Variants in DOCK10 observed in about 807,000 individuals in gnomAD.
DOCK10 encodes dedicator of cytokinesis 10.
Under a neutral mutation model 280.1 loss-of-function variants are expected in DOCK10, and 145 were observed. That is an observed-to-expected ratio of 0.52 (90% CI 0.45 to 0.59). DOCK10 has a LOEUF of 0.59. DOCK10 is among the 20% of genes least tolerant of loss of function. The probability of loss-of-function intolerance (pLI) is 0.00; values close to 1 mark genes in which losing one functional copy is unlikely to be tolerated. For missense variants in DOCK10, 2,368 were observed against 2,651.7 expected, an observed-to-expected ratio of 0.89 and a Z score of 2.35; for synonymous variants, 915 against 942.2, an observed-to-expected ratio of 0.97 and a Z score of 0.53.
intron 23 of DOCK10, 183 bp from the exon 24 acceptor site, chr2:224,840,255 A>C: frequency 4.1e-6 from 2 of 488,048 alleles, no homozygotes; most frequent in Non-Finnish European, 3.7e-6. Flanking sequence ...AAACAGACAA[A>C]TGGCATATCA....
intron 1 of DOCK10, among the ~76,000 whole-genome samples, chr2:224,964,094 C>T (rs552934015): frequency 6.8e-6 from 1 of 146,680 alleles, no homozygotes; most frequent in East Asian, 2.0e-4. Flanking sequence ...AAATAAAATA[C>T]AGGATGCGGA....
At chr2:224,775,191 A>C in intron 51 of DOCK10, 76 bp from the exon 52 acceptor site, 1 of 1,360,338 alleles carries the variant, frequency 7.4e-7, no homozygotes, top group East Asian at 2.3e-5. Flanking sequence ...CCATTCCCTC[A>C]GCTTGCATCC....
At chr2:224,955,002 T>A (rs534280223) in intron 1 of DOCK10, among the ~76,000 whole-genome samples, 51 of 152,328 alleles carry the variant, frequency 3.3e-4, no homozygotes, top group Non-Finnish European at 4.3e-4. Flanking sequence ...TGTTTTCCAA[T>A]TGCATTTTCC....
At chr2:224,919,656 A>G (rs1283059646) in intron 2 of DOCK10, among the ~76,000 whole-genome samples, 3 of 139,558 alleles carry the variant, frequency 2.1e-5, no homozygotes, top group Non-Finnish European at 4.9e-5. Flanking sequence ...GTGTGTGTGT[A>G]GAGTGTGCGT....
chr2:225,027,687 C>T (rs935795830), intron 1 of DOCK10, among the ~76,000 whole-genome samples: 74 of 152,110 alleles, frequency 4.9e-4, no homozygotes, highest in Admixed American at 7.2e-4. Flanking sequence ...ATTAAAAGCT[C>T]CCCAAGGTCT....
At chr2:224,818,586 G>T (rs1256795708) in intron 29 of DOCK10, among the ~76,000 whole-genome samples, 1 of 152,028 alleles carries the variant, frequency 6.6e-6, no homozygotes, top group African/African-American at 2.4e-5. Context: ...TTTTAGTAGA[G>T]ACAGGGTTTC....
intron 1 of DOCK10, among the ~76,000 whole-genome samples, chr2:225,018,185 T>C (rs1194237476): frequency 6.6e-6 from 1 of 152,158 alleles, no homozygotes; most frequent in African/African-American, 2.4e-5. Flanking sequence ...AAATAAGCTT[T>C]ATTATCAACC....
intron 44 of DOCK10, 127 bp downstream of exon 44, chr2:224,796,189 A>G: frequency 3.1e-6 from 2 of 651,966 alleles, no homozygotes; most frequent in African/African-American, 1.8e-5. Flanking sequence ...TTGGCTTCTC[A>G]AAGTGTTGGG....
At chr2:224,827,312 C>T (rs539362636) in intron 27 of DOCK10, among the ~76,000 whole-genome samples, 2 of 151,692 alleles carry the variant, frequency 1.3e-5, no homozygotes, top group South Asian at 4.2e-4. Context: ...GGTCTTTTCC[C>T]ACTGTGATGA....
intron 22 of DOCK10, among the ~76,000 whole-genome samples, chr2:224,843,428 G>A (rs1233450794): frequency 6.6e-6 from 1 of 152,174 alleles, no homozygotes; most frequent in African/African-American, 2.4e-5. Context: ...AAAATATAGG[G>A]TTTGGTGGAG....
chr2:224,990,459 C>T (rs1706094673), intron 1 of DOCK10, among the ~76,000 whole-genome samples: 1 of 152,208 alleles, frequency 6.6e-6, no homozygotes, highest in Non-Finnish European at 1.5e-5. Flanking sequence ...ATCTAATATT[C>T]ACGTAAAGTG....
At chr2:224,819,023 C>T (rs940393564) in intron 29 of DOCK10, among the ~76,000 whole-genome samples, 3 of 152,144 alleles carry the variant, frequency 2.0e-5, no homozygotes, top group Non-Finnish European at 4.4e-5. Flanking sequence ...GTCTAGGAAC[C>T]ACTGCTCTAG....
chr2:224,896,224 T>C (rs867146363), intron 4 of DOCK10, 71 bp downstream of exon 4: 20 of 904,270 alleles, frequency 2.2e-5, no homozygotes, highest in Middle Eastern at 2.2e-4. Context: ...TCATGAACAA[T>C]GGCAGGACTA....
intron 4 of DOCK10, among the ~76,000 whole-genome samples, chr2:224,888,575 G>T (rs1448235046): frequency 6.6e-6 from 1 of 151,826 alleles, no homozygotes; most frequent in Non-Finnish European, 1.5e-5. Flanking sequence ...GTGTGTGTAT[G>T]TATATACGTG....
At chr2:224,827,788 A>C (rs1694964384) in intron 27 of DOCK10, among the ~76,000 whole-genome samples, 1 of 152,218 alleles carries the variant, frequency 6.6e-6, no homozygotes, top group Non-Finnish European at 1.5e-5. Context: ...AGAAAAGCAA[A>C]AATAGGATTT....
At position 224,775,120 on chromosome 2, in the gene DOCK10, G is replaced by T. The variant is rs1402179082; in HGVS notation, c.5803-5C>A. 6.2e-7 allele frequency: 1 copy of T among 1,613,722 alleles called. No homozygotes were observed. ...GTCCAAATCCTTGGGGTTTACCTGT[G>T]TTAACAGATTATGGGCAAAGTGAGT... On this transcript the variant is annotated splice_polypyrimidine_tract_variant and splice_region_variant and intron_variant, in intron 51 of 55. Transcript: ENST00000258390.
chr2:224,814,252 AT>A, intron 31 of DOCK10, 67 bp downstream of exon 31: 1 of 956,058 alleles, frequency 1.0e-6, no homozygotes, highest in South Asian at 2.3e-5. Context: ...GAAACTGGAA[AT>A]TTATAGTTGT....
At chr2:225,027,177 C>A (rs1032978319) in intron 1 of DOCK10, among the ~76,000 whole-genome samples, 3 of 152,146 alleles carry the variant, frequency 2.0e-5, no homozygotes, top group Non-Finnish European at 4.4e-5. Context: ...AATGATGAGG[C>A]CTGGTCAGAG....
chr2:224,981,550 A>T (rs1222204801), intron 1 of DOCK10, among the ~76,000 whole-genome samples: 1 of 152,202 alleles, frequency 6.6e-6, no homozygotes, highest in Non-Finnish European at 1.5e-5. Flanking sequence ...TCTACCCTCA[A>T]ATTTATTCTT....
Sources: gnomAD v4.1 joint callset for allele counts (sites outside exome capture counted in the v4.1 genomes callset) on GRCh38, gnomAD v4.1.1 for gene constraint, MANE v1.5 for transcripts, NCBI Gene and HGNC (gene_info 2026-07-23, HGNC 2026-07-21) for gene names.